Variants in NWD2 observed in about 807,000 individuals in gnomAD.
NWD2 encodes NACHT and WD repeat domain-containing protein 2.
A neutral mutation model predicts 132.7 loss-of-function variants in NWD2; 37 were observed. The observed-to-expected ratio is 0.28, with a 90% CI of 0.21 to 0.37. NWD2 has a LOEUF of 0.37. Among genes scored for constraint, NWD2 ranks in the 10% least tolerant of loss-of-function variants. The pLI, the probability that NWD2 is intolerant of heterozygous loss-of-function variation, is 1.00. For missense variants in NWD2, 1,592 were observed against 2,122.4 expected, an observed-to-expected ratio of 0.75 and a Z score of 4.91; for synonymous variants, 705 against 803.0, an observed-to-expected ratio of 0.88 and a Z score of 2.06.
chr4:37,443,880 A>G lies in NWD2; in HGVS notation c.1892A>G (p.Glu631Gly). ...TGGAGATCTCACAAAGACGTCGATGAATCCTCCCTCTCTGTCACCGTTCAT... is the reference window on the plus strand; with the variant it reads ...TGGAGATCTCACAAAGACGTCGATGGATCCTCCCTCTCTGTCACCGTTCAT... ...RHWRSHKDVD[E>G]SSLSVTVHES... Residue 631 changes from glutamate (E) to glycine (G), a missense_variant, in exon 7 of 7, where the codon GAA (glutamate) becomes GGA (glycine). This residue lies in a region of NWD2 where 1,071 missense variants were observed against 1,398.0 expected (regional missense o/e 0.77). Transcript: ENST00000309447. This position sits in a 1 kb window ranked among gnomAD's most constrained non-coding sequence, Gnocchi z 4.1. The G allele has an allele frequency of 6.4e-7, 1 of 1,552,340 alleles. No individual in the cohort carries two copies. Among genetic ancestry groups the G allele is most frequent in the Non-Finnish European group, 8.7e-7 (1 of 1,147,140 alleles).
chr4:37,446,715 G>A lies in NWD2; in HGVS notation c.4727G>A (p.Gly1576Asp). ...TGGCGGCAGAGGTTGTCTCGGGATG[G>A]TCGCTACCTGGTATACATTTGTTTC... ...IIWRQRLSRD[G>D]RYLVYICFRN... Residue 1576 changes from glycine (G) to aspartate (D), a missense_variant, in exon 7 of 7, where the codon GGT (glycine) becomes GAT (aspartate). Physicochemically the swap from Gly to Asp is moderately conservative, Grantham distance 94 (BLOSUM62 -1). This residue lies in a region of NWD2 where 257 missense variants were observed against 335.0 expected (regional missense o/e 0.77). Coordinates refer to ENST00000309447, the MANE Select transcript of NWD2 (RefSeq NM_001144990.2). This position sits in a 1 kb window ranked among gnomAD's most constrained non-coding sequence, Gnocchi z 6.7. 1 of 1,551,558 alleles carries A rather than the reference G, an allele frequency of 6.4e-7. No individual in the cohort carries two copies. Among genetic ancestry groups the A allele is most frequent in the Non-Finnish European group, 8.7e-7 (1 of 1,146,978 alleles).
rs1712411716 is a variant in NWD2 at position 37,439,174 on chromosome 4, G to T, written c.1080G>T (p.Gln360His). Residue 360 changes from glutamine to histidine, a missense_variant, in exon 6 of 7, where the codon CAG (glutamine) becomes CAT (histidine). This residue lies in a region of NWD2 where 1,071 missense variants were observed against 1,398.0 expected (regional missense o/e 0.77). Transcript: ENST00000309447. The surrounding 1 kb of genome is among the most constrained non-coding windows in gnomAD (Gnocchi z 4.5). ...ATATAATTCAGGCAACGATACAACA[G>T]AATTTTGACACTGAAACTGATACAC... ...MIDIIQATIQ[Q>H]NFDTETDTLY... 1.3e-6 allele frequency: 2 copies of T among 1,550,026 alleles called. No individual in the cohort carries two copies. The highest frequency in any genetic ancestry group is 4.9e-5 in the East Asian group (2 of 40,890).
At chr4:37,281,275 T>C (rs1400896363) in intron 1 of NWD2, among the ~76,000 whole-genome samples, 1 of 152,150 alleles carries the variant, frequency 6.6e-6, no homozygotes, top group Non-Finnish European at 1.5e-5. Flanking sequence ...CGTGTGACAG[T>C]TTGTGGTCCC....
At chr4:37,299,638 A>G (rs1323004823) in intron 1 of NWD2, among the ~76,000 whole-genome samples, 1 of 152,042 alleles carries the variant, frequency 6.6e-6, no homozygotes, top group African/African-American at 2.4e-5. Flanking sequence ...CACCTAGCAG[A>G]GTGTTGGGTG....
chr4:37,389,972 G>T (rs1212787337), intron 3 of NWD2, among the ~76,000 whole-genome samples: 1 of 152,016 alleles, frequency 6.6e-6, no homozygotes, highest in Non-Finnish European at 1.5e-5. Context: ...TAGAGATGGG[G>T]TTTCACCATG....
chr4:37,445,569 G>C lies in NWD2; in HGVS notation c.3581G>C (p.Ser1194Thr). ...DCRREDSEVVSIELSEDQSAV... is the reference protein window; with the variant it reads ...DCRREDSEVVTIELSEDQSAV... ...CGAAGAGAAGACAGTGAGGTGGTCA[G>C]CATTGAGCTTTCAGAAGACCAAAGT... The change falls in exon 7 of 7, where the codon AGC becomes ACC. Residue 1194 changes from serine to threonine, a missense_variant. Physicochemically the swap from Ser to Thr is moderately conservative, Grantham distance 58. Around this residue, in one of 7 missense-constraint regions of NWD2, gnomAD observed 1,071 missense variants for 1,398.0 expected, o/e 0.77. Transcript: ENST00000309447. The surrounding 1 kb of genome is among the most constrained non-coding windows in gnomAD (Gnocchi z 4.7). The C allele has an allele frequency of 6.4e-7, 1 of 1,552,224 alleles. No homozygotes were observed. The highest frequency in any genetic ancestry group is 8.7e-7 in the Non-Finnish European group (1 of 1,147,116).
At chr4:37,248,967 G>T (rs1717298415) in intron 1 of NWD2, among the ~76,000 whole-genome samples, 1 of 152,174 alleles carries the variant, frequency 6.6e-6, no homozygotes, top group Non-Finnish European at 1.5e-5. Context: ...ATATGAATAG[G>T]TGTATAAGGA....
At chr4:37,434,458 T>C (rs1464040247) in intron 5 of NWD2, among the ~76,000 whole-genome samples, 1 of 152,178 alleles carries the variant, frequency 6.6e-6, no homozygotes, top group African/African-American at 2.4e-5. Context: ...TCATAAAATA[T>C]ATATTCATAA....
chr4:37,287,208 C>T (rs560997999), intron 1 of NWD2, among the ~76,000 whole-genome samples: 1 of 152,344 alleles, frequency 6.6e-6, no homozygotes, highest in East Asian at 1.9e-4. Context: ...GCCTAGGGTC[C>T]CAACCCTGGA....
intron 2 of NWD2, among the ~76,000 whole-genome samples, chr4:37,353,960 G>T (rs951301313): frequency 2.0e-5 from 3 of 152,132 alleles, no homozygotes; most frequent in Non-Finnish European, 2.9e-5. Context: ...TTTTGCGCTG[G>T]TTTTTTCTCA....
intron 3 of NWD2, among the ~76,000 whole-genome samples, chr4:37,377,665 A>T (rs951560749): frequency 1.3e-5 from 2 of 152,216 alleles, no homozygotes; most frequent in Non-Finnish European, 2.9e-5. Flanking sequence ...CAGGAGGCGG[A>T]GGTTGCGGTG....
intron 2 of NWD2, among the ~76,000 whole-genome samples, chr4:37,348,169 C>A (rs1008754005): frequency 2.0e-5 from 3 of 152,124 alleles, no homozygotes; most frequent in African/African-American, 7.2e-5. Flanking sequence ...CTGGTCTCAA[C>A]CCAGTCTGAA....
chr4:37,424,943 G>A (rs1711949676), intron 3 of NWD2, among the ~76,000 whole-genome samples: 3 of 152,112 alleles, frequency 2.0e-5, no homozygotes, highest in Admixed American at 6.6e-5. Context: ...AGAGCAGAGT[G>A]GAGAGAAATC....
intron 1 of NWD2, among the ~76,000 whole-genome samples, chr4:37,282,819 G>GT (rs142838116): frequency 5.9e-5 from 9 of 151,960 alleles, no homozygotes; most frequent in South Asian, 2.1e-4. Context: ...GTTGTATTTA[G>GT]TTTTTTTTAT....
chr4:37,422,419 C>A (rs1711843951), intron 3 of NWD2, among the ~76,000 whole-genome samples: 1 of 152,142 alleles, frequency 6.6e-6, no homozygotes, highest in Admixed American at 6.5e-5. Context: ...TAAGTTTGTA[C>A]TTATCTGACC....
intron 3 of NWD2, among the ~76,000 whole-genome samples, chr4:37,384,264 T>C (rs914924504): frequency 2.6e-5 from 4 of 152,214 alleles, no homozygotes; most frequent in African/African-American, 9.6e-5. Context: ...GTTTGCCTTC[T>C]TTATTTTGTT....
At chr4:37,393,358 G>T (rs1473514017) in intron 3 of NWD2, among the ~76,000 whole-genome samples, 3 of 152,158 alleles carry the variant, frequency 2.0e-5, no homozygotes, top group Non-Finnish European at 4.4e-5. Context: ...TTTGGAAGGG[G>T]TTCTCAAGAA....
intron 1 of NWD2, among the ~76,000 whole-genome samples, chr4:37,317,396 C>T (rs998968672): frequency 6.6e-6 from 1 of 152,170 alleles, no homozygotes. Flanking sequence ...CATATGCTAG[C>T]TGAGGCACTG....
intron 3 of NWD2, among the ~76,000 whole-genome samples, chr4:37,424,332 T>C (rs1479734793): frequency 6.6e-6 from 1 of 151,946 alleles, no homozygotes; most frequent in African/African-American, 2.4e-5. Flanking sequence ...AAGAATGGGG[T>C]TATTAAATTT....
Sources: gnomAD v4.1 joint callset for allele counts (sites outside exome capture counted in the v4.1 genomes callset) on GRCh38, gnomAD v4.1.1 for gene constraint, gnomAD v4.1.1 regional missense constraint, Gnocchi (gnomAD v3.1) non-coding constraint, MANE v1.5 for transcripts, NCBI Gene and HGNC (gene_info 2026-07-23, HGNC 2026-07-21) for gene names.